NHSL1: variants seen among roughly 807,000 people sequenced by gnomAD.
NHSL1 encodes the protein NHS-like protein 1.
NHSL1 carries 48 observed loss-of-function variants against 95.0 expected under a neutral mutation model. The ratio of observed to expected loss-of-function variants is 0.51; its 90% confidence interval spans 0.40 to 0.64. The LOEUF is 0.64. Ranked by LOEUF, NHSL1 falls within the 30% of genes least tolerant of loss-of-function variation. NHSL1 has a pLI of 0.00. For missense variants in NHSL1, 1,971 were observed against 2,077.7 expected, an observed-to-expected ratio of 0.95 and a Z score of 1.00; for synonymous variants, 783 against 833.9, an observed-to-expected ratio of 0.94 and a Z score of 1.05.
chr6:138,529,341 C>G (rs1782040580), intron 1 of NHSL1, among the ~76,000 whole-genome samples: 1 of 152,190 alleles, frequency 6.6e-6, no homozygotes, highest in African/African-American at 2.4e-5. Context: ...GCAAGACACT[C>G]CTGTCCCTCA....
rs183725096 is a variant in NHSL1, at chr6:138,508,143, C to A, written c.17-11772G>T. Among the ~76,000 whole-genome samples the A allele has an allele frequency of 1.7e-3, 251 of 152,072 alleles. 2 individuals carry two copies. The highest frequency in any genetic ancestry group is 3.4e-3 in the Middle Eastern group (1 of 294). On this transcript the variant is annotated intron_variant, in intron 1 of 4. Coordinates refer to the NHSL1 transcript ENST00000342260. ...ATTCATGTGACAAATGTTGAACAAA[C>A]GAAAGGCGAGGCAGACAGAAAACAT...
At chr6:138,508,860 A>G (rs1781087863) in intron 1 of NHSL1, among the ~76,000 whole-genome samples, 1 of 137,706 alleles carries the variant, frequency 7.3e-6, no homozygotes, top group Non-Finnish European at 1.6e-5. Flanking sequence ...GAAAAAAAAT[A>G]ATTTCATTAA....
chr6:138,501,185 A>G (rs1379323997), upstream of NHSL1, among the ~76,000 whole-genome samples: 1 of 152,256 alleles, frequency 6.6e-6, no homozygotes, highest in Non-Finnish European at 1.5e-5. Context: ...TCAACCCTCC[A>G]TAGCATGTAG....
intron 1 of NHSL1, among the ~76,000 whole-genome samples, chr6:138,636,166 AC>A (rs990914226): frequency 4.6e-5 from 7 of 151,962 alleles, no homozygotes; most frequent in Middle Eastern, 6.8e-3. Flanking sequence ...AGGAAAAAAA[AC>A]ATATGGTCAT....
chr6:138,570,231 A>G (rs1400187955), intron 1 of NHSL1, among the ~76,000 whole-genome samples: 1 of 152,250 alleles, frequency 6.6e-6, no homozygotes, highest in East Asian at 1.9e-4. Flanking sequence ...CTTAAAGTCA[A>G]ACAAGTCCTA....
intron 5 of NHSL1, 79 bp from the exon 6 acceptor site, chr6:138,433,759 A>G: frequency 7.3e-7 from 1 of 1,379,198 alleles, no homozygotes; most frequent in South Asian, 2.1e-5. Flanking sequence ...CCCCTCTGAC[A>G]GAATTTTAAA....
intron 2 of NHSL1, among the ~76,000 whole-genome samples, chr6:138,489,640 T>C (rs977210843): frequency 1.3e-5 from 2 of 150,498 alleles, no homozygotes; most frequent in Admixed American, 6.6e-5. Context: ...TGTGTGCCTG[T>C]AGTCCCAGCT....
At chr6:138,441,886 C>A (rs1776547173) in intron 5 of NHSL1, 97 bp downstream of exon 5, 1 of 1,200,400 alleles carries the variant, frequency 8.3e-7, no homozygotes, top group Non-Finnish European at 1.1e-6. Context: ...AAACGGCTAT[C>A]AGAATGTATC....
intron 1 of NHSL1, among the ~76,000 whole-genome samples, chr6:138,684,639 C>T (rs561754637): frequency 4.7e-5 from 7 of 148,754 alleles, no homozygotes; most frequent in Non-Finnish European, 8.9e-5. Context: ...AGTGAGACTC[C>T]GTCTCAGAAA....
intron 1 of NHSL1, among the ~76,000 whole-genome samples, chr6:138,497,188 T>C (rs1780404019): frequency 6.6e-6 from 1 of 152,208 alleles, no homozygotes; most frequent in African/African-American, 2.4e-5. Context: ...TAGTTCATTT[T>C]TCCTGACAAC....
exon 1 of NHSL1, chr6:138,572,026 G>A (rs911676613): frequency 1.6e-5 from 12 of 764,446 alleles, no homozygotes; most frequent in Admixed American, 1.1e-4. Context: ...AGACAACGCT[G>A]ACAGTCAGGC....
rs112083527 is a variant in NHSL1, at chr6:138,639,996, A to C, written c.96+52480T>G. Reference sequence around the variant, plus strand: ...CAAAATTCTCATCATCGTATTGCACAGACTATAATCTCATGGAGAGCTGCA... The same window carrying C: ...CAAAATTCTCATCATCGTATTGCACCGACTATAATCTCATGGAGAGCTGCA... On this transcript the variant is annotated intron_variant, in intron 1 of 3. Transcript: ENST00000491526. Among the ~76,000 whole-genome samples the C allele has an allele frequency of 3.7e-3, 562 of 151,990 alleles. 1 individual carries two copies. Among genetic ancestry groups the C allele is most frequent in the Non-Finnish European group, 5.9e-3 (403 of 67,970 alleles).
chr6:138,521,586 A>G (rs189402209), intron 1 of NHSL1, among the ~76,000 whole-genome samples: 4 of 152,238 alleles, frequency 2.6e-5, no homozygotes, highest in Admixed American at 2.0e-4. Context: ...TTGCTTTGGA[A>G]GAGTTGGTCT....
intron 1 of NHSL1, among the ~76,000 whole-genome samples, chr6:138,687,813 G>A (rs2114800238): frequency 6.6e-6 from 1 of 152,234 alleles, no homozygotes; most frequent in South Asian, 2.1e-4. Flanking sequence ...ATCAGTGGTT[G>A]CCTAGGAATG....
intron 2 of NHSL1, among the ~76,000 whole-genome samples, chr6:138,478,766 T>C (rs1329634063): frequency 6.6e-6 from 1 of 152,214 alleles, no homozygotes; most frequent in African/African-American, 2.4e-5. Flanking sequence ...TGTGTTATTG[T>C]TCTCACACTA....
intron 1 of NHSL1, among the ~76,000 whole-genome samples, chr6:138,673,372 C>T (rs1398629997): frequency 6.6e-6 from 1 of 150,394 alleles, no homozygotes; most frequent in African/African-American, 2.4e-5. Flanking sequence ...TATAAACACA[C>T]ATTTATGTAG....
intron 3 of NHSL1, among the ~76,000 whole-genome samples, chr6:138,470,284 C>A (rs1778666641): frequency 6.6e-6 from 1 of 152,018 alleles, no homozygotes; most frequent in Admixed American, 6.6e-5. Context: ...ACAAGATTAA[C>A]CTGAATTTTT....
In NHSL1 at chr6:138,672,784, C is replaced by T. The variant is rs546483622; in HGVS notation, c.96+19692G>A. On this transcript the variant is annotated intron_variant, in intron 1 of 3. Transcript: ENST00000491526. Reference sequence around the variant, plus strand: ...CTGTAATCTCAGCACTTTGGGAGGCCGAGGTAGGCAGATCACGAGGTCAGG... The same window carrying T: ...CTGTAATCTCAGCACTTTGGGAGGCTGAGGTAGGCAGATCACGAGGTCAGG... Among the ~76,000 whole-genome samples the T allele has an allele frequency of 1.3e-3, 196 of 152,150 alleles. 1 individual carries two copies. Among genetic ancestry groups the T allele is most frequent in the Non-Finnish European group, 1.6e-3 (107 of 68,016 alleles).
intron 1 of NHSL1, among the ~76,000 whole-genome samples, chr6:138,592,112 A>G (rs1784238486): frequency 6.6e-6 from 1 of 152,290 alleles, no homozygotes; most frequent in South Asian, 2.1e-4. Context: ...TTTAATTATC[A>G]CCCTCAAGAA....
Sources: allele counts gnomAD v4.1 joint callset (sites outside exome capture counted in the v4.1 genomes callset), GRCh38; gene constraint gnomAD v4.1.1; transcripts MANE v1.5; gene names NCBI Gene and HGNC (gene_info 2026-07-23, HGNC 2026-07-21).